Variants in PDE9A observed in about 807,000 individuals in gnomAD.
PDE9A encodes the protein phosphodiesterase 9A, also known as high affinity cGMP-specific 3',5'-cyclic phosphodiesterase 9A.
In PDE9A, 60 loss-of-function variants were observed where a neutral mutation model predicts 87.4. The observed-to-expected ratio is 0.69, with a 90% CI of 0.56 to 0.85. PDE9A has a LOEUF of 0.85. Ranked by LOEUF, PDE9A falls within the 40% of genes least tolerant of loss-of-function variation. The pLI, the probability that PDE9A is intolerant of heterozygous loss-of-function variation, is 0.00. For synonymous variants in PDE9A, 272 were observed against 279.4 expected, an observed-to-expected ratio of 0.97 and a Z score of 0.27; for missense variants, 665 against 779.0, an observed-to-expected ratio of 0.85 and a Z score of 1.74.
chr21:42,666,054 C>A (rs1003292217), intron 1 of PDE9A, among the ~76,000 whole-genome samples: 11 of 152,212 alleles, frequency 7.2e-5, no homozygotes, highest in Admixed American at 1.3e-4. Context: ...GGCCTTCAGG[C>A]CCTGACATCT....
At chr21:42,672,422 G>A (rs1483443644) in intron 1 of PDE9A, among the ~76,000 whole-genome samples, 1 of 152,268 alleles carries the variant, frequency 6.6e-6, no homozygotes, top group Admixed American at 6.5e-5. Context: ...TCTAGCCCGA[G>A]TGTGGTCTCA....
At chr21:42,662,736 A>C (rs1439927213) in intron 1 of PDE9A, among the ~76,000 whole-genome samples, 1 of 139,896 alleles carries the variant, frequency 7.1e-6, no homozygotes, top group African/African-American at 2.6e-5. Context: ...CACACCAGGC[A>C]CATCACACAC....
intron 10 of PDE9A, among the ~76,000 whole-genome samples, chr21:42,755,139 C>T (rs1337257353): frequency 2.6e-5 from 4 of 152,202 alleles, no homozygotes; most frequent in African/African-American, 7.2e-5. Context: ...AATCTAAGGA[C>T]GTTTTCCTGC....
Position 42,760,725 on chromosome 21 carries a change from T to G in PDE9A, c.1003-100T>G. 2.7e-6 allele frequency: 2 copies of G among 740,464 alleles called. No homozygotes were observed. Among genetic ancestry groups the G allele is most frequent in the Admixed American group, 2.0e-5 (1 of 50,334 alleles). 45.9% of individuals were successfully genotyped at this position (740,464 alleles called of 1,614,324 possible). Reference sequence around the variant, plus strand: ...GAGATGCCAGATGGCTGCAGGGGCCTTTGTCCCCCGCTTACCACTCACCCA... The same window carrying G: ...GAGATGCCAGATGGCTGCAGGGGCCGTTGTCCCCCGCTTACCACTCACCCA... On this transcript the variant is annotated intron_variant, in intron 12 of 19. Transcript: ENST00000291539. This position sits in a 1 kb window ranked among gnomAD's most constrained non-coding sequence, Gnocchi z 5.2.
chr21:42,769,209 A>G, intron 17 of PDE9A, 54 bp downstream of exon 17: 1 of 1,497,184 alleles, frequency 6.7e-7, no homozygotes, highest in Non-Finnish European at 9.2e-7. Context: ...ACATGCATGC[A>G]CACACAGGCA....
chr21:42,729,194 C>T (rs564420372), intron 4 of PDE9A, among the ~76,000 whole-genome samples: 20 of 152,026 alleles, frequency 1.3e-4, no homozygotes, highest in Admixed American at 5.9e-4. Flanking sequence ...TTTAAATTAC[C>T]TGTTTGATAT....
At chr21:42,745,187 G>A (rs1307084267) in intron 8 of PDE9A, among the ~76,000 whole-genome samples, 3 of 152,184 alleles carry the variant, frequency 2.0e-5, no homozygotes, top group East Asian at 3.9e-4. Context: ...GAAAGCCGAC[G>A]GGCCTCATCT....
At chr21:42,699,099 A>T (rs1203744788) in intron 4 of PDE9A, 88 bp downstream of exon 4, 13 of 825,246 alleles carry the variant, frequency 1.6e-5, no homozygotes, top group Non-Finnish European at 6.3e-6. Flanking sequence ...CTAGTTAAGC[A>T]TTTGAATCTA....
At chr21:42,655,340 C>T (rs998812183) in intron 1 of PDE9A, among the ~76,000 whole-genome samples, 1 of 152,214 alleles carries the variant, frequency 6.6e-6, no homozygotes, top group Non-Finnish European at 1.5e-5. Context: ...GTCCTAAGAA[C>T]TTCCTAAAGA....
chr21:42,698,847 AT>A (rs371074544), intron 3 of PDE9A, 120 bp from the exon 4 acceptor site: 10,244 of 583,032 alleles, frequency 0.018, 470 homozygotes, highest in African/African-American at 0.13. Flanking sequence ...AAAAATAAAA[AT>A]AAATAAAAAG....
intron 1 of PDE9A, among the ~76,000 whole-genome samples, chr21:42,666,960 C>T (rs992900719): frequency 6.6e-6 from 1 of 152,180 alleles, no homozygotes; most frequent in Non-Finnish European, 1.5e-5. Context: ...GCACCAAGGT[C>T]CCGCGCCTGG....
At chr21:42,698,907 T>C (rs1602125474) in intron 3 of PDE9A, 61 bp from the exon 4 acceptor site, 3 of 1,137,626 alleles carry the variant, frequency 2.6e-6, no homozygotes, top group Non-Finnish European at 3.9e-6. Context: ...TTATCTCTCC[T>C]GCCAGGCATA....
chr21:42,676,734 G>A (rs978489545), intron 1 of PDE9A, among the ~76,000 whole-genome samples: 3 of 152,224 alleles, frequency 2.0e-5, no homozygotes, highest in African/African-American at 7.2e-5. Flanking sequence ...TTGTCAACGG[G>A]ATTGTCACTA....
At chr21:42,703,086 G>T (rs2048507006) in intron 4 of PDE9A, among the ~76,000 whole-genome samples, 1 of 152,240 alleles carries the variant, frequency 6.6e-6, no homozygotes, top group African/African-American at 2.4e-5. Flanking sequence ...GTTCCAGCAG[G>T]TTCTAAAGGA....
chr21:42,740,418 T>A (rs998465070), intron 7 of PDE9A, among the ~76,000 whole-genome samples: 4 of 148,266 alleles, frequency 2.7e-5, no homozygotes, highest in African/African-American at 1.0e-4. Flanking sequence ...CACTCCAGCC[T>A]GGGTGACAGG....
At chr21:42,698,431 GA>G (rs1470203863) in intron 3 of PDE9A, among the ~76,000 whole-genome samples, 1 of 152,220 alleles carries the variant, frequency 6.6e-6, no homozygotes, top group Non-Finnish European at 1.5e-5. Context: ...GTCAGCGACA[GA>G]AACGTTTTGG....
rs2048638013 is a variant in PDE9A, at chr21:42,704,420, C to T, written c.262+5409C>T. On this transcript the variant is annotated intron_variant, in intron 4 of 19. Coordinates refer to ENST00000291539, the MANE Select transcript of PDE9A (RefSeq NM_002606.3). The surrounding 1 kb of genome is among the most constrained non-coding windows in gnomAD (Gnocchi z 5.3). The stretch of plus-strand genomic sequence containing the variant: ...ACAAAGTCGGTGTCAGGTAGACCCC[C>T]CCCACCCCACCAAACACACACACAC... Among the ~76,000 whole-genome samples, 1 of 132,222 alleles carries T rather than the reference C, an allele frequency of 7.6e-6. No individual in the cohort carries two copies. The highest frequency in any genetic ancestry group is 7.4e-5 in the Admixed American group (1 of 13,468). 86.7% of individuals were successfully genotyped at this position (132,222 alleles called of 152,430 possible). A position where few individuals can be genotyped will look rare whatever the true frequency, so the allele number is the denominator to read the frequency against.
At chr21:42,688,238 A>C (rs1322105087) in intron 3 of PDE9A, among the ~76,000 whole-genome samples, 1 of 152,004 alleles carries the variant, frequency 6.6e-6, no homozygotes, top group Non-Finnish European at 1.5e-5. Context: ...CAACGGGAGG[A>C]GGCATTGTAC....
chr21:42,700,496 G>T (rs140146804), intron 4 of PDE9A, among the ~76,000 whole-genome samples: 1 of 152,162 alleles, frequency 6.6e-6, no homozygotes, highest in African/African-American at 2.4e-5. Context: ...TTTGTCTGAC[G>T]TTTCTCTCAC....
Sources: gnomAD v4.1 joint callset for allele counts (sites outside exome capture counted in the v4.1 genomes callset) on GRCh38, gnomAD v4.1.1 for gene constraint, Gnocchi (gnomAD v3.1) non-coding constraint, MANE v1.5 for transcripts, NCBI Gene and HGNC (gene_info 2026-07-23, HGNC 2026-07-21) for gene names.